The following ATXN10 variants were observed in gnomAD, a reference collection of about 807,000 sequenced individuals.
ATXN10 encodes the protein ataxin 10.
Under a neutral mutation model 52.9 loss-of-function variants are expected in ATXN10, and 28 were observed. The observed-to-expected ratio is 0.53, with a 90% CI of 0.39 to 0.73. The LOEUF is 0.73. Among genes scored for constraint, ATXN10 ranks in the 30% least tolerant of loss-of-function variants. The probability of loss-of-function intolerance (pLI) is 0.00; values close to 1 mark genes in which losing one functional copy is unlikely to be tolerated. For synonymous variants in ATXN10, 226 were observed against 221.5 expected, an observed-to-expected ratio of 1.02 and a Z score of -0.18; for missense variants, 565 against 577.0, an observed-to-expected ratio of 0.98 and a Z score of 0.21.
At position 45,826,916 on chromosome 22, in the gene ATXN10, C is replaced by T. The variant is rs577272541; in HGVS notation, c.1238-16075C>T. ...AGTTTATAACTTCACATTTTGTTTT[C>T]TACATATTTTAAGAGACTAATGTGT... On this transcript the variant is annotated intron_variant, in intron 10 of 11. Transcript: ENST00000252934. The surrounding 1 kb of genome is among the most constrained non-coding windows in gnomAD (Gnocchi z 5.0). Among the ~76,000 whole-genome samples the T allele has an allele frequency of 1.3e-5, 2 of 152,176 alleles. No homozygotes were observed. The highest frequency in any genetic ancestry group is 1.9e-4 in the East Asian group (1 of 5,182).
At chr22:45,803,016 C>G (rs527604168) in intron 9 of ATXN10, among the ~76,000 whole-genome samples, 3 of 152,326 alleles carry the variant, frequency 2.0e-5, no homozygotes, top group South Asian at 2.1e-4. Context: ...CTGCCCAACC[C>G]CTTGTTCCTA....
In ATXN10 at chr22:45,819,515, C is replaced by A. The variant is rs1601666757; in HGVS notation, c.1237+12493C>A. 1.3e-5 allele frequency among the ~76,000 whole-genome samples: 2 copies of A among 152,156 alleles called. No individual in the cohort carries two copies. On this transcript the variant is annotated intron_variant, in intron 10 of 11. Transcript: ENST00000252934. This position sits in a 1 kb window ranked among gnomAD's most constrained non-coding sequence, Gnocchi z 4.5. Reference sequence around the variant, plus strand: ...TCACTCTGTCCCCAGGTGGCTTTACCAAGCCACATCACTGACGTATTCATT... The same window carrying A: ...TCACTCTGTCCCCAGGTGGCTTTACAAAGCCACATCACTGACGTATTCATT...
rs1555892689 is a variant in ATXN10, at chr22:45,751,763, A to ATAATAAT, written c.1173+11225_1173+11226insTAATAAT. Among the ~76,000 whole-genome samples, 4 of 66,624 alleles carry ATAATAAT rather than the reference A, an allele frequency of 6.0e-5. No homozygotes were observed. The East Asian group carries it at 9.2e-4, about 15-fold the overall frequency. The allele number at this position is 66,624 out of a possible 152,430, so 43.7% of individuals were successfully genotyped here. A position where few individuals can be genotyped will look rare whatever the true frequency, so the allele number is the denominator to read the frequency against. On this transcript the variant is annotated intron_variant, in intron 9 of 11. Transcript: ENST00000252934. ...TGGAAAAAAAAAAAAAATAAAAAAA[A>ATAATAAT]AATAATAATAATAATAATAATAATA...
rs1601631191 is a variant in ATXN10 at position 45,763,262 on chromosome 22, G to C, written c.1173+22724G>C. 6.6e-6 allele frequency among the ~76,000 whole-genome samples: 1 copy of C among 152,160 alleles called. No homozygotes were observed. The highest frequency in any genetic ancestry group is 1.5e-5 in the Non-Finnish European group (1 of 68,020). ...TGGAGAGAGTGAGGTGGTGAGGTGG[G>C]CCTGGCGTGTTCAAGGCAGAGAAGG... is the stretch of plus-strand genomic sequence containing the variant. On this transcript the variant is annotated intron_variant, in intron 9 of 11. Transcript: ENST00000252934. This position sits in a 1 kb window ranked among gnomAD's most constrained non-coding sequence, Gnocchi z 6.9.
intron 9 of ATXN10, among the ~76,000 whole-genome samples, chr22:45,794,788 T>G (rs183143216): frequency 5.4e-4 from 82 of 152,278 alleles, no homozygotes; most frequent in Admixed American, 1.1e-3. Flanking sequence ...AAATGTTAAA[T>G]GAAGTTCAAC....
At chr22:45,834,433 G>A (rs1929098182) in intron 10 of ATXN10, among the ~76,000 whole-genome samples, 2 of 152,182 alleles carry the variant, frequency 1.3e-5, no homozygotes, top group African/African-American at 2.4e-5. Flanking sequence ...AGCTCTGCCG[G>A]TGTGCTACTG....
rs1317372494 is a variant in ATXN10, at chr22:45,712,290, G to A, written c.648-6123G>A. ...TGTTATCCAAGGAAGGAAAAAAGGG[G>A]ATGCTGAACAGGGGAAAAAGTGGCA... On this transcript the variant is annotated intron_variant, in intron 5 of 11. Coordinates refer to ENST00000252934, the MANE Select transcript of ATXN10 (RefSeq NM_013236.4). This position sits in a 1 kb window ranked among gnomAD's most constrained non-coding sequence, Gnocchi z 4.6. 4.6e-5 allele frequency among the ~76,000 whole-genome samples: 7 copies of A among 152,228 alleles called. No homozygotes were observed. The highest frequency in any genetic ancestry group is 1.7e-4 in the African/African-American group (7 of 41,474).
chr22:45,807,177 G>A (rs1375351660), intron 10 of ATXN10, 155 bp downstream of exon 10: 2 of 729,882 alleles, frequency 2.7e-6, no homozygotes, highest in Non-Finnish European at 5.1e-6. Context: ...GAGTTATGGT[G>A]CTAGAATATC....
intron 2 of ATXN10, 46 bp from the exon 3 acceptor site, chr22:45,692,950 A>G (rs765083131): frequency 6.7e-7 from 1 of 1,496,798 alleles, no homozygotes; most frequent in Non-Finnish European, 9.3e-7. Context: ...TAGACAATAT[A>G]TGAATGAATG....
rs568715839 is a variant in ATXN10 at position 45,795,295 on chromosome 22, G to T, written c.1174-11664G>T. 6.6e-6 allele frequency among the ~76,000 whole-genome samples: 1 copy of T among 152,190 alleles called. No homozygotes were observed. The highest frequency in any genetic ancestry group is 2.1e-4 in the South Asian group (1 of 4,816). Reference sequence around the variant, plus strand: ...ATGGCAGAATGATAAACTCAATCATGTTGATAAATATATTAAATGTAAATG... The same window carrying T: ...ATGGCAGAATGATAAACTCAATCATTTTGATAAATATATTAAATGTAAATG... On this transcript the variant is annotated intron_variant, in intron 9 of 11. Transcript: ENST00000252934. This position sits in a 1 kb window ranked among gnomAD's most constrained non-coding sequence, Gnocchi z 4.6.
chr22:45,734,335 A>T (rs1262490061), intron 7 of ATXN10: 1 of 209,384 alleles, frequency 4.8e-6, no homozygotes, highest in Non-Finnish European at 1.0e-5. Context: ...TTGTTTTTGC[A>T]TATTAGGTTA....
rs764402933 is a variant in ATXN10 at position 45,843,052 on chromosome 22, A to G, written c.1299A>G (p.Gln433=). ...TTACCGAAGACAACAGCCAAAACCA[A>G]GATTTGATTGCAAAGATGGAGGAAC... ...RNLTEDNSQN[Q]DLIAKMEEQG... is the part of the protein sequence containing the mutation. Residue 433 remains glutamine (Q), a synonymous_variant, in exon 11 of 12, where the codon CAA becomes CAG. Coordinates refer to ENST00000252934, the MANE Select transcript of ATXN10 (RefSeq NM_013236.4). The surrounding 1 kb of genome is among the most constrained non-coding windows in gnomAD (Gnocchi z 4.5). 6.2e-7 allele frequency: 1 copy of G among 1,614,220 alleles called. No homozygotes were observed. The highest frequency in any genetic ancestry group is 8.5e-7 in the Non-Finnish European group (1 of 1,180,034).
intron 3 of ATXN10, among the ~76,000 whole-genome samples, chr22:45,693,677 C>T (rs532582646): frequency 6.6e-6 from 1 of 152,220 alleles, no homozygotes; most frequent in East Asian, 1.9e-4. Context: ...ACCCCCAATA[C>T]CCAGAATGTG....
At chr22:45,748,888 A>G (rs1377178194) in intron 9 of ATXN10, among the ~76,000 whole-genome samples, 3 of 152,164 alleles carry the variant, frequency 2.0e-5, no homozygotes, top group East Asian at 1.9e-4. Flanking sequence ...GAGGAAACCT[A>G]TCATGGTTTA....
chr22:45,672,950 G>A (rs1009226380), intron 1 of ATXN10: 1 of 152,232 alleles, frequency 6.6e-6, no homozygotes, highest in African/African-American at 2.4e-5. Context: ...TAAAGTACGT[G>A]AAAATATAAA....
rs1926874885 is a variant in ATXN10, at chr22:45,774,265, C to G, written c.1174-32694C>G. Among the ~76,000 whole-genome samples, 1 of 152,200 alleles carries G rather than the reference C, an allele frequency of 6.6e-6. No homozygotes were observed. Among genetic ancestry groups the G allele is most frequent in the South Asian group, 2.1e-4 (1 of 4,828 alleles). The stretch of plus-strand genomic sequence containing the variant: ...CCTCCATAACTCTGTGACTGTTGAC[C>G]ATGGCCATCTGTCCAGTAGAGTGAG... On this transcript the variant is annotated intron_variant, in intron 9 of 11. Coordinates refer to ENST00000252934, the MANE Select transcript of ATXN10 (RefSeq NM_013236.4). The surrounding 1 kb of genome is among the most constrained non-coding windows in gnomAD (Gnocchi z 6.2).
intron 6 of ATXN10, among the ~76,000 whole-genome samples, chr22:45,726,461 G>A (rs748748069): frequency 6.6e-6 from 1 of 152,042 alleles, no homozygotes; most frequent in Non-Finnish European, 1.5e-5. Context: ...GGTATTCATA[G>A]TGTCCTTAAA....
chr22:45,771,678 A>C (rs1326965396), intron 9 of ATXN10, among the ~76,000 whole-genome samples: 1 of 151,910 alleles, frequency 6.6e-6, no homozygotes, highest in Non-Finnish European at 1.5e-5. Flanking sequence ...CGAGCTCCCA[A>C]AGTGTTGGGA....
chr22:45,745,400 T>C (rs1925690374), intron 9 of ATXN10, among the ~76,000 whole-genome samples: 1 of 152,224 alleles, frequency 6.6e-6, no homozygotes. Flanking sequence ...TCCGTTCTGC[T>C]AAAGGTTATG....
Sources: allele counts gnomAD v4.1 joint callset (sites outside exome capture counted in the v4.1 genomes callset), GRCh38; gene constraint gnomAD v4.1.1; non-coding constraint Gnocchi (gnomAD v3.1); transcripts MANE v1.5; gene names NCBI Gene and HGNC (gene_info 2026-07-23, HGNC 2026-07-21).